Variants in CMSS1 observed in about 807,000 individuals in gnomAD.
The protein encoded by CMSS1 is protein CMSS1.
In CMSS1, 33 loss-of-function variants were observed where a neutral mutation model predicts 43.5. The observed-to-expected ratio is 0.76, with a 90% confidence interval of 0.57 to 1.01. The LOEUF (loss-of-function observed/expected upper bound fraction) is 1.01. Ranked by LOEUF, CMSS1 falls within the 50% of genes least tolerant of loss-of-function variation. The pLI is 0.00. For missense variants in CMSS1, 313 were observed against 326.4 expected (o/e 0.96, Z 0.32); for synonymous variants, 115 against 117.2 (o/e 0.98, Z 0.12).
At chr3:99,923,586 C>T (rs1254642430) in intron 1 of CMSS1, among the ~76,000 whole-genome samples, 1 of 152,216 alleles carries the variant, frequency 6.6e-6, no homozygotes, top group Non-Finnish European at 1.5e-5. Flanking sequence ...CTCCCAACCT[C>T]ATGGCTGTTG....
At chr3:99,977,326 A>G (rs1321599351) in intron 1 of CMSS1, among the ~76,000 whole-genome samples, 2 of 152,124 alleles carry the variant, frequency 1.3e-5, no homozygotes, top group Non-Finnish European at 2.9e-5. Flanking sequence ...TCCATCTTAG[A>G]AAGGTTGATC....
intron 1 of CMSS1, among the ~76,000 whole-genome samples, chr3:99,822,315 G>A (rs1232958819): frequency 6.6e-6 from 1 of 152,162 alleles, no homozygotes; most frequent in Non-Finnish European, 1.5e-5. Flanking sequence ...TTTAAGGAGG[G>A]TCTTTCATAT....
At chr3:100,060,803 T>G (rs1355361238) in intron 1 of CMSS1, among the ~76,000 whole-genome samples, 1 of 152,084 alleles carries the variant, frequency 6.6e-6, no homozygotes, top group African/African-American at 2.4e-5. Flanking sequence ...GAGGTTGCAC[T>G]AAGCCAAGAT....
At chr3:100,162,529 C>A (rs1469590931) in intron 4 of CMSS1, 97 bp downstream of exon 4, 3 of 1,317,506 alleles carry the variant, frequency 2.3e-6, no homozygotes, top group African/African-American at 3.0e-5. Context: ...CATTTTCCAG[C>A]GGGCATGGTG....
chr3:100,163,170 T>A (rs1228851059), intron 4 of CMSS1, among the ~76,000 whole-genome samples: 1 of 152,226 alleles, frequency 6.6e-6, no homozygotes, highest in Non-Finnish European at 1.5e-5. Context: ...TTTAACAAAC[T>A]ATTCAATGAG....
At chr3:99,853,419 A>AG (rs1943802524) in intron 1 of CMSS1, among the ~76,000 whole-genome samples, 1 of 152,230 alleles carries the variant, frequency 6.6e-6, no homozygotes, top group African/African-American at 2.4e-5. Flanking sequence ...TTTTATGAGA[A>AG]GGGGGTGTGT....
At chr3:99,975,541 G>T (rs1199902761) in intron 1 of CMSS1, among the ~76,000 whole-genome samples, 1 of 151,372 alleles carries the variant, frequency 6.6e-6, no homozygotes, top group Non-Finnish European at 1.5e-5. Context: ...GCAGTGAGCC[G>T]AGGTCACACC....
At chr3:100,060,938 A>T (rs2065553816) in intron 1 of CMSS1, among the ~76,000 whole-genome samples, 1 of 152,136 alleles carries the variant, frequency 6.6e-6, no homozygotes, top group Non-Finnish European at 1.5e-5. Context: ...ATGGCTTTGA[A>T]ATGGAAGTGC....
intron 1 of CMSS1, among the ~76,000 whole-genome samples, chr3:99,976,963 T>A (rs1708991119): frequency 6.6e-6 from 1 of 152,224 alleles, no homozygotes; most frequent in South Asian, 2.1e-4. Context: ...CCTGTGTGAC[T>A]GCACCTTGCA....
chr3:99,835,591 T>C lies in CMSS1; in HGVS notation c.64+17548T>C, dbSNP rs574815163. On this transcript the variant is annotated intron_variant, in intron 1 of 9. Coordinates refer to ENST00000421999, the MANE Select transcript of CMSS1 (RefSeq NM_032359.4). The stretch of plus-strand genomic sequence containing the variant: ...CTGTTAGGATGCAGAATCCCTGCAG[T>C]GGGAATTAATAGGTCTGGGAATGTG... Among the ~76,000 whole-genome samples, 17 of 152,294 alleles carry C rather than the reference T, an allele frequency of 1.1e-4. No individual in the cohort carries two copies. The South Asian group carries it at 3.5e-3, about 32-fold the overall frequency.
intron 1 of CMSS1, among the ~76,000 whole-genome samples, chr3:99,895,763 A>G (rs1276975636): frequency 6.6e-6 from 1 of 152,166 alleles, no homozygotes; most frequent in Non-Finnish European, 1.5e-5. Context: ...CTCTCCATCA[A>G]GTTTTCTGTT....
chr3:99,905,977 G>T (rs565728789), intron 1 of CMSS1, among the ~76,000 whole-genome samples: 2 of 152,298 alleles, frequency 1.3e-5, no homozygotes, highest in South Asian at 2.1e-4. Context: ...CAGATCACTT[G>T]AACTTAGAAG....
intron 1 of CMSS1, among the ~76,000 whole-genome samples, chr3:99,971,747 A>G (rs956901036): frequency 3.9e-5 from 6 of 152,206 alleles, no homozygotes; most frequent in Admixed American, 1.3e-4. Context: ...CGGAACCTCA[A>G]ACTTCTGAAA....
rs1237243531 is a variant in CMSS1, at chr3:100,181,047, T to C, written c.*2659T>C. 6.6e-6 allele frequency: 1 copy of C among 152,166 alleles called. No individual in the cohort carries two copies. The highest frequency in any genetic ancestry group is 1.5e-5 in the Non-Finnish European group (1 of 68,032). The allele number at this position is 152,166 out of a possible 1,614,324, so 9.4% of individuals were successfully genotyped here. ...GTGAAGGGGGAAGTGCTATACACTTTTAAACAATCAGATCTCTTGAGAACT... is the reference window on the plus strand; with the variant it reads ...GTGAAGGGGGAAGTGCTATACACTTCTAAACAATCAGATCTCTTGAGAACT... On this transcript the variant is annotated 3_prime_UTR_variant, in exon 10 of 10. Transcript: ENST00000421999.
intron 1 of CMSS1, among the ~76,000 whole-genome samples, chr3:100,048,198 G>A (rs1170181217): frequency 6.6e-6 from 1 of 152,228 alleles, no homozygotes; most frequent in Non-Finnish European, 1.5e-5. Flanking sequence ...GAAGGGGACA[G>A]ATAGGTCCAG....
chr3:99,931,228 A>G (rs1227199076), intron 1 of CMSS1, among the ~76,000 whole-genome samples: 1 of 152,116 alleles, frequency 6.6e-6, no homozygotes, highest in Non-Finnish European at 1.5e-5. Flanking sequence ...TTTTAAAGCA[A>G]ACATTTAAAA....
rs1358487309 is a variant in CMSS1, at chr3:100,091,024, G to A, written c.65-55949G>A. On this transcript the variant is annotated intron_variant, in intron 1 of 9. Coordinates refer to ENST00000421999, the MANE Select transcript of CMSS1 (RefSeq NM_032359.4). Reference sequence around the variant, plus strand: ...CTTAGGCCCGGGCACAGTGGCTCACGCCTGTAATCCCAGAACTTTGGGAGG... The same window carrying A: ...CTTAGGCCCGGGCACAGTGGCTCACACCTGTAATCCCAGAACTTTGGGAGG... Among the ~76,000 whole-genome samples, 3 of 152,136 alleles carry A rather than the reference G, an allele frequency of 2.0e-5. No homozygotes were observed. In the East Asian group the frequency reaches 5.8e-4, roughly 29 times the overall value.
intron 1 of CMSS1, among the ~76,000 whole-genome samples, chr3:100,054,834 G>A (rs1233079403): frequency 6.6e-6 from 1 of 152,136 alleles, no homozygotes; most frequent in Non-Finnish European, 1.5e-5. Flanking sequence ...TGGTGTCACA[G>A]TTGAGTTCAG....
At chr3:99,974,253 A>G (rs1708903454) in intron 1 of CMSS1, among the ~76,000 whole-genome samples, 1 of 152,242 alleles carries the variant, frequency 6.6e-6, no homozygotes, top group Non-Finnish European at 1.5e-5. Context: ...GTGCCAGTAT[A>G]TACAGTTCGT....
Sources: allele counts gnomAD v4.1 joint callset (sites outside exome capture counted in the v4.1 genomes callset), GRCh38; gene constraint gnomAD v4.1.1; transcripts MANE v1.5; gene names NCBI Gene and HGNC (gene_info 2026-07-23, HGNC 2026-07-21).